Variants in FMN2 observed in about 807,000 individuals in gnomAD.
FMN2 encodes the protein formin-2.
In FMN2, 51 loss-of-function variants were observed where a neutral mutation model predicts 142.3. The ratio of observed to expected loss-of-function variants is 0.36; its 90% CI spans 0.29 to 0.45. The LOEUF (loss-of-function observed/expected upper bound fraction) is 0.45. FMN2 is among the 20% of genes least tolerant of loss of function. The probability of loss-of-function intolerance (pLI) is 1.00; values close to 1 mark genes in which losing one functional copy is unlikely to be tolerated. For missense variants in FMN2, 1,936 were observed against 2,122.8 expected (o/e 0.91, Z 1.73); for synonymous variants, 882 against 869.8 (o/e 1.01, Z -0.25).
intron 6 of FMN2, among the ~76,000 whole-genome samples, chr1:240,223,458 G>A (rs925842669): frequency 2.0e-5 from 3 of 151,976 alleles, no homozygotes; most frequent in South Asian, 4.1e-4. Flanking sequence ...GTTTTGTTTT[G>A]TCTCTGCCAG....
At chr1:240,343,909 T>A (rs971266119) in intron 13 of FMN2, among the ~76,000 whole-genome samples, 2 of 151,616 alleles carry the variant, frequency 1.3e-5, no homozygotes, top group Admixed American at 6.6e-5. Context: ...TGGAAGGAAA[T>A]GGAGGAGGAG....
At chr1:240,381,172 AC>A (rs1193422173) in intron 14 of FMN2, among the ~76,000 whole-genome samples, 1 of 152,188 alleles carries the variant, frequency 6.6e-6, no homozygotes, top group Non-Finnish European at 1.5e-5. Flanking sequence ...AAACAGTATG[AC>A]CCTGGTACCA....
chr1:240,207,303 C>G lies in FMN2; in HGVS notation c.2491C>G (p.His831Asp). The change falls in exon 5 of 18, where the codon CAT becomes GAT. Residue 831 changes from histidine to aspartate, a missense_variant. His to Asp is a moderately conservative substitution (Grantham distance 81). Transcript: ENST00000319653. ...AGGACAGCCTGGGTCACAGCCGCCC[C>G]ATTCTATTTCTACCGAGTTTCAAAC... ...GQGQPGSQPP[H>D]SISTEFQTSH... is the part of the protein sequence containing the mutation. The G allele has an allele frequency of 6.2e-7, 1 of 1,613,860 alleles. No homozygotes were observed. The highest frequency in any genetic ancestry group is 1.3e-5 in the African/African-American group (1 of 74,976).
chr1:240,152,587 T>A (rs1290656374), intron 2 of FMN2, among the ~76,000 whole-genome samples: 1 of 152,208 alleles, frequency 6.6e-6, no homozygotes, highest in East Asian at 1.9e-4. Context: ...TTCCCATAAT[T>A]GCTGGAGAAC....
At chr1:240,251,074 T>C (rs1668261970) in intron 6 of FMN2, among the ~76,000 whole-genome samples, 1 of 152,068 alleles carries the variant, frequency 6.6e-6, no homozygotes, top group African/African-American at 2.4e-5. Flanking sequence ...TTTTAGTCTT[T>C]ATTTTGTTTA....
In FMN2 at chr1:240,207,513, C is replaced by T. The variant is rs1286166154; in HGVS notation, c.2701C>T (p.Pro901Ser). 1.9e-6 allele frequency: 3 copies of T among 1,613,478 alleles called. No homozygotes were observed. The African/African-American group carries it at 4.0e-5, about 22-fold the overall frequency. The change falls in exon 5 of 18, where the codon CCT becomes TCT. Residue 901 changes from proline (P) to serine (S), a missense_variant. Pro to Ser is a moderately conservative substitution (Grantham distance 74). This residue lies in a region of FMN2 where 478 missense variants were observed against 462.8 expected (regional missense o/e 1.03). Transcript: ENST00000319653. The stretch of plus-strand genomic sequence containing the variant: ...CAGTACAGCCATTCCCCAACCTCCT[C>T]CTCTGCAGGGTACAGAAATGCTGCC... ...LPSTAIPQPPPLQGTEMLPPP... is the reference protein window; with the variant it reads ...LPSTAIPQPPSLQGTEMLPPP...
chr1:240,459,423 T>A (rs1676360862), intron 16 of FMN2: 1 of 152,192 alleles, frequency 6.6e-6, no homozygotes, highest in Non-Finnish European at 1.5e-5. Context: ...CTTGTGATTG[T>A]GATTTAAGAT....
At chr1:240,144,064 G>C (rs1663318088) in intron 2 of FMN2, 7 of 1,087,100 alleles carry the variant, frequency 6.4e-6, no homozygotes, top group Non-Finnish European at 1.0e-5. Context: ...ACTTAATGTA[G>C]TCCTCAAAGG....
intron 2 of FMN2, chr1:240,154,613 A>C (rs1056045538): frequency 1.3e-5 from 2 of 152,148 alleles, no homozygotes; most frequent in Non-Finnish European, 2.9e-5. Flanking sequence ...CCATCTCAGA[A>C]TCATTAGAGG....
intron 8 of FMN2, among the ~76,000 whole-genome samples, chr1:240,325,149 G>C (rs1052257038): frequency 6.6e-6 from 1 of 151,966 alleles, no homozygotes; most frequent in Non-Finnish European, 1.5e-5. Context: ...CTTGAGCCCA[G>C]GAGTTTGAGA....
At chr1:240,203,899 A>C (rs1666226072) in intron 4 of FMN2, among the ~76,000 whole-genome samples, 1 of 152,204 alleles carries the variant, frequency 6.6e-6, no homozygotes, top group Non-Finnish European at 1.5e-5. Flanking sequence ...TTCCCCACAA[A>C]ATACATAACA....
chr1:240,094,129 TC>T (rs1203751835), intron 1 of FMN2, among the ~76,000 whole-genome samples: 2 of 152,218 alleles, frequency 1.3e-5, no homozygotes, highest in Non-Finnish European at 2.9e-5. Context: ...CATGGTTCTT[TC>T]GCAAGAGTCG....
At chr1:240,342,402 C>T (rs1671774495) in intron 13 of FMN2, among the ~76,000 whole-genome samples, 1 of 152,154 alleles carries the variant, frequency 6.6e-6, no homozygotes, top group Non-Finnish European at 1.5e-5. Flanking sequence ...TAATTCGTCT[C>T]ATGAATGTGC....
chr1:240,271,648 G>C (rs982624980), intron 7 of FMN2, among the ~76,000 whole-genome samples: 1 of 152,022 alleles, frequency 6.6e-6, no homozygotes, highest in Non-Finnish European at 1.5e-5. Flanking sequence ...AGAAATTTGA[G>C]AAGAAAGTAG....
chr1:240,308,737 G>A (rs1245525953), intron 8 of FMN2, among the ~76,000 whole-genome samples: 1 of 151,698 alleles, frequency 6.6e-6, no homozygotes, highest in Non-Finnish European at 1.5e-5. Context: ...GTACACAGTG[G>A]AGCTGCTGAG....
chr1:240,328,057 A>T (rs1389122137), intron 8 of FMN2, among the ~76,000 whole-genome samples: 1 of 146,700 alleles, frequency 6.8e-6, no homozygotes, highest in Non-Finnish European at 1.5e-5. Flanking sequence ...CTGAGGCAGG[A>T]GAATGGCTTG....
At chr1:240,415,530 T>TAAA (rs372874071) in intron 15 of FMN2, among the ~76,000 whole-genome samples, 1 of 140,660 alleles carries the variant, frequency 7.1e-6, no homozygotes, top group Admixed American at 7.0e-5. Flanking sequence ...TTAAGTATAA[T>TAAA]AAAAAAAAAA....
intron 15 of FMN2, among the ~76,000 whole-genome samples, chr1:240,429,134 T>A (rs1675053090): frequency 6.6e-6 from 1 of 152,224 alleles, no homozygotes. Flanking sequence ...GATTCTTTAC[T>A]AAGTTCTTGT....
At chr1:240,275,128 T>C (rs1486684878) in intron 7 of FMN2, among the ~76,000 whole-genome samples, 1 of 151,244 alleles carries the variant, frequency 6.6e-6, no homozygotes, top group Middle Eastern at 3.2e-3. Flanking sequence ...CTGGGATACA[T>C]GTGCAGAACG....
Sources: allele counts gnomAD v4.1 joint callset (sites outside exome capture counted in the v4.1 genomes callset), GRCh38; gene constraint gnomAD v4.1.1; regional missense constraint gnomAD v4.1.1; transcripts MANE v1.5; gene names NCBI Gene and HGNC (gene_info 2026-07-23, HGNC 2026-07-21).